Variants in PDE4D observed in about 807,000 individuals in gnomAD.
The protein encoded by PDE4D is 3',5'-cyclic-AMP phosphodiesterase 4D.
A neutral mutation model predicts 87.4 loss-of-function variants in PDE4D; 24 were observed. The ratio of observed to expected loss-of-function variants is 0.27; its 90% CI spans 0.20 to 0.39. The LOEUF is 0.39. Ranked by LOEUF, PDE4D falls within the 10% of genes least tolerant of loss-of-function variation. The pLI is 1.00. For synonymous variants in PDE4D, 384 were observed against 383.2 expected (o/e 1.00, Z -0.02); for missense variants, 714 against 1,041.0 (o/e 0.69, Z 4.32).
At chr5:59,677,709 G>A (rs980392291) in intron 1 of PDE4D, among the ~76,000 whole-genome samples, 8 of 152,296 alleles carry the variant, frequency 5.3e-5, no homozygotes, top group African/African-American at 1.9e-4. Flanking sequence ...ATGTTTAGCA[G>A]AAGAGTTGAA....
chr5:60,490,314 T>C (rs949578816), upstream of PDE4D: 3 of 152,216 alleles, frequency 2.0e-5, no homozygotes, highest in African/African-American at 7.2e-5. Flanking sequence ...TTGAAATCTT[T>C]AGTCCTTGGA....
chr5:60,212,498 A>G (rs1743347077), intron 1 of PDE4D, among the ~76,000 whole-genome samples: 1 of 152,188 alleles, frequency 6.6e-6, no homozygotes, highest in Non-Finnish European at 1.5e-5. Context: ...TGGGGATACT[A>G]GAAGAGAGAA....
At chr5:59,148,754 G>GGGGTGTGT (rs71578631) in intron 5 of PDE4D, among the ~76,000 whole-genome samples, 2 of 145,482 alleles carry the variant, frequency 1.4e-5, no homozygotes, top group African/African-American at 5.1e-5. Flanking sequence ...AATATATAGC[G>GGGGTGTGT]GTGTGTGTGT....
chr5:59,488,166 C>CA (rs529078753), intron 1 of PDE4D, among the ~76,000 whole-genome samples: 1,829 of 106,886 alleles, frequency 0.017, 17 homozygotes, highest in South Asian at 0.037. Context: ...CATCAAGAGC[C>CA]AAAAAAAAAA....
At chr5:60,470,217 C>T (rs1488022580) in intron 1 of PDE4D, among the ~76,000 whole-genome samples, 2 of 152,130 alleles carry the variant, frequency 1.3e-5, no homozygotes, top group Non-Finnish European at 2.9e-5. Context: ...CAGAGCAAGG[C>T]CCTAACTCTT....
At chr5:59,830,761 T>C (rs1741068553) in intron 1 of PDE4D, among the ~76,000 whole-genome samples, 1 of 152,090 alleles carries the variant, frequency 6.6e-6, no homozygotes, top group Admixed American at 6.6e-5. Context: ...ATTTTATGAA[T>C]AGGAAAGTAT....
chr5:60,424,622 C>A (rs187341063), intron 1 of PDE4D, among the ~76,000 whole-genome samples: 43 of 152,258 alleles, frequency 2.8e-4, no homozygotes, highest in Non-Finnish European at 4.1e-4. Context: ...AAAACCAGCA[C>A]AAGACAAGGA....
rs138212077 is a variant in PDE4D, at chr5:60,226,577, T to C, written c.-89-40890A>G. Among the ~76,000 whole-genome samples the C allele has an allele frequency of 4.6e-5, 7 of 152,264 alleles. No individual in the cohort carries two copies. The East Asian group carries it at 1.4e-3, about 29-fold the overall frequency. ...TTATTTGAAAAACAGCGTTATTTTT[T>C]AAGTGCATTTTTAACAACCTCTTTC... On this transcript the variant is annotated intron_variant, in intron 1 of 16. Transcript: ENST00000502484.
chr5:60,418,864 C>T (rs1465831518), intron 1 of PDE4D, among the ~76,000 whole-genome samples: 1 of 152,096 alleles, frequency 6.6e-6, no homozygotes, highest in African/African-American at 2.4e-5. Flanking sequence ...CCCCCTCCCC[C>T]TTAGCCCCCT....
intron 1 of PDE4D, among the ~76,000 whole-genome samples, chr5:59,384,880 A>C (rs1175382108): frequency 6.6e-6 from 1 of 151,910 alleles, no homozygotes; most frequent in East Asian, 1.9e-4. Context: ...ACCTAGTTAC[A>C]TCACAATTTT....
chr5:59,136,192 A>T (rs1777051606), intron 5 of PDE4D, among the ~76,000 whole-genome samples: 1 of 152,196 alleles, frequency 6.6e-6, no homozygotes, highest in South Asian at 2.1e-4. Flanking sequence ...ACTGGCCCAT[A>T]AATGTATGAA....
intron 2 of PDE4D, among the ~76,000 whole-genome samples, chr5:60,000,786 G>A (rs1054388649): frequency 1.3e-5 from 2 of 151,966 alleles, no homozygotes; most frequent in Non-Finnish European, 2.9e-5. Context: ...AACATAAATG[G>A]GCAGAGATAT....
At chr5:59,039,023 C>T (rs564827704) in intron 5 of PDE4D, 52 bp from the exon 6 acceptor site, 4 of 1,539,656 alleles carry the variant, frequency 2.6e-6, no homozygotes, top group African/African-American at 2.8e-5. Flanking sequence ...TTCACGGGTC[C>T]GCTAGCGAGT....
intron 1 of PDE4D, among the ~76,000 whole-genome samples, chr5:60,514,412 A>G (rs1750704590): frequency 6.6e-6 from 1 of 152,080 alleles, no homozygotes; most frequent in Non-Finnish European, 1.5e-5. Context: ...GTCAAGCCAG[A>G]ACTCTCTTAC....
chr5:60,253,485 T>C (rs1314093965), intron 1 of PDE4D, among the ~76,000 whole-genome samples: 1 of 151,900 alleles, frequency 6.6e-6, no homozygotes, highest in Non-Finnish European at 1.5e-5. Flanking sequence ...GATTGAGTCT[T>C]CTTTGGAATA....
chr5:59,512,231 T>C (rs1810403151), intron 1 of PDE4D, among the ~76,000 whole-genome samples: 1 of 152,186 alleles, frequency 6.6e-6, no homozygotes, highest in Non-Finnish European at 1.5e-5. Context: ...TACACCCTTT[T>C]GAATGCTGTG....
intron 1 of PDE4D, among the ~76,000 whole-genome samples, chr5:59,762,396 ACATGTG>A (rs1762156453): frequency 7.2e-6 from 1 of 138,614 alleles, no homozygotes; most frequent in African/African-American, 2.8e-5. Context: ...ATATGGGTAC[ACATGTG>A]TATATGTGTA....
intron 2 of PDE4D, among the ~76,000 whole-genome samples, chr5:60,108,996 C>T (rs1281084029): frequency 6.6e-6 from 1 of 152,144 alleles, no homozygotes; most frequent in African/African-American, 2.4e-5. Context: ...CAACCAAAGC[C>T]AAAATTGACA....
At chr5:60,202,640 T>C (rs573289569) in intron 1 of PDE4D, among the ~76,000 whole-genome samples, 1 of 151,756 alleles carries the variant, frequency 6.6e-6, no homozygotes, top group South Asian at 2.1e-4. Context: ...AGAGAGAAAA[T>C]AATCATGAAT....
Sources: allele counts gnomAD v4.1 joint callset (sites outside exome capture counted in the v4.1 genomes callset), GRCh38; gene constraint gnomAD v4.1.1; transcripts MANE v1.5; gene names NCBI Gene and HGNC (gene_info 2026-07-23, HGNC 2026-07-21).